Variants in ERICH3 observed in about 807,000 individuals in gnomAD.
ERICH3 encodes the protein glutamate rich 3, also known as glutamate-rich protein 3.
ERICH3 carries 126 observed loss-of-function variants against 131.1 expected under a neutral mutation model. The ratio of observed to expected loss-of-function variants is 0.96; its 90% CI spans 0.83 to 1.11. The LOEUF is 1.11. Among genes scored for constraint, ERICH3 ranks in the 50% most tolerant of loss-of-function variants. The pLI is 0.00. For missense variants in ERICH3, 2,050 were observed against 1,810.7 expected (o/e 1.13, Z -2.40); for synonymous variants, 695 against 644.6 (o/e 1.08, Z -1.18).
intron 12 of ERICH3, among the ~76,000 whole-genome samples, chr1:74,580,597 T>C (rs1647160175): frequency 6.6e-6 from 1 of 152,210 alleles, no homozygotes; most frequent in African/African-American, 2.4e-5. Flanking sequence ...AATTCTTTCT[T>C]TATTTGATAA....
At chr1:74,576,871 A>G (rs199516335) in intron 13 of ERICH3, 24 bp downstream of exon 13, 1 of 1,586,242 alleles carries the variant, frequency 6.3e-7, no homozygotes, top group Admixed American at 1.8e-5. Flanking sequence ...CTCTAATTGG[A>G]CCTCTTGCAG....
chr1:74,628,078 T>C (rs779252783), intron 7 of ERICH3, among the ~76,000 whole-genome samples: 9 of 152,200 alleles, frequency 5.9e-5, no homozygotes, highest in Admixed American at 1.3e-4. Context: ...ATAGCCACCT[T>C]CTGTTGCTAT....
At chr1:74,671,548 C>G (rs111931217) in intron 1 of ERICH3, among the ~76,000 whole-genome samples, 1 of 151,962 alleles carries the variant, frequency 6.6e-6, no homozygotes, top group African/African-American at 2.4e-5. Context: ...CTCAGCTGGC[C>G]GACACTCATG....
chr1:74,663,489 T>A (rs1016812113), intron 1 of ERICH3, among the ~76,000 whole-genome samples: 3 of 151,988 alleles, frequency 2.0e-5, no homozygotes, highest in African/African-American at 7.2e-5. Context: ...ATAGAAGAAG[T>A]TAGAAAGTCA....
intron 11 of ERICH3, among the ~76,000 whole-genome samples, chr1:74,592,839 G>A (rs1197844670): frequency 2.6e-5 from 4 of 151,938 alleles, no homozygotes; most frequent in African/African-American, 7.3e-5. Context: ...ACACAGACAC[G>A]GGGGTAAGAC....
At chr1:74,647,115 C>T (rs1008542199) in intron 2 of ERICH3, among the ~76,000 whole-genome samples, 2 of 152,022 alleles carry the variant, frequency 1.3e-5, no homozygotes, top group South Asian at 4.1e-4. Flanking sequence ...TCTCATATAC[C>T]CTTCATTGTG....
Position 74,625,512 on chromosome 1 carries a change from G to A in ERICH3, c.820-4598C>T, listed in dbSNP as rs796470631. The A allele has an allele frequency of 9.2e-5, 14 of 151,868 alleles. No individual in the cohort carries two copies. In the South Asian group the frequency reaches 1.2e-3, roughly 14 times the overall value. The allele number at this position is 151,868 out of a possible 1,614,324, so 9.4% of individuals were successfully genotyped here. On this transcript the variant is annotated intron_variant, in intron 7 of 14. Coordinates refer to ENST00000326665, the MANE Select transcript of ERICH3 (RefSeq NM_001002912.5). ...CTAGGAGGCATTCTCTAATCTCCTCGGTCAAAACTAATATTTCTTTCCTCT... is the reference window on the plus strand; with the variant it reads ...CTAGGAGGCATTCTCTAATCTCCTCAGTCAAAACTAATATTTCTTTCCTCT...
chr1:74,670,482 G>A (rs1646731205), intron 1 of ERICH3, among the ~76,000 whole-genome samples: 1 of 152,194 alleles, frequency 6.6e-6, no homozygotes, highest in South Asian at 2.1e-4. Context: ...CAGACTAGGT[G>A]GAGCCACAGC....
chr1:74,648,347 G>C (rs1264201522), intron 2 of ERICH3, among the ~76,000 whole-genome samples: 2 of 152,114 alleles, frequency 1.3e-5, no homozygotes, highest in African/African-American at 4.8e-5. Context: ...ATTCTGAGAG[G>C]TGCATGCCAT....
chr1:74,573,199 C>A lies in ERICH3; in HGVS notation c.2511G>T (p.Arg837Ser). Residue 837 changes from arginine to serine, a missense_variant, in exon 14 of 15, where the codon AGG becomes AGT. Physicochemically the swap from Arg to Ser is moderately radical, Grantham distance 110 (BLOSUM62 -1). Coordinates refer to ENST00000326665, the MANE Select transcript of ERICH3 (RefSeq NM_001002912.5). ...CTGCTTCTGCTGCTCCCTCTGCCCC[C>A]CTTTCTATGCCTGGAGGGATCTCCC... ...EKREIPPGIE[R>S]GAEGAAEAEG... is the part of the protein sequence containing the mutation. The A allele has an allele frequency of 3.1e-6, 5 of 1,612,592 alleles. No homozygotes were observed. The highest frequency in any genetic ancestry group is 4.2e-6 in the Non-Finnish European group (5 of 1,179,210).
intron 1 of ERICH3, among the ~76,000 whole-genome samples, chr1:74,670,463 C>A (rs1433064520): frequency 3.3e-5 from 5 of 152,144 alleles, no homozygotes; most frequent in African/African-American, 4.8e-5. Flanking sequence ...GTCAGGGACC[C>A]CGAACAGACA....
chr1:74,581,543 A>G lies in ERICH3; in HGVS notation c.2177-4607T>C, dbSNP rs577578473. Among the ~76,000 whole-genome samples, 6 of 152,140 alleles carry G rather than the reference A, an allele frequency of 3.9e-5. No homozygotes were observed. In the East Asian group the frequency reaches 1.2e-3, roughly 29 times the overall value. ...TTAGAGTACTGCTTTTAAATTTTCA[A>G]TTTTTCTGGTGAGAGTTAATTATAT... On this transcript the variant is annotated intron_variant, in intron 12 of 14. Coordinates refer to ENST00000326665, the MANE Select transcript of ERICH3 (RefSeq NM_001002912.5).
chr1:74,646,652 A>T lies in ERICH3; in HGVS notation c.243+15T>A. ...AAAAAATAAAATAAAATAAAAAATAAGTATATATTTTTACCTCCATATCAA... is the reference window on the plus strand; with the variant it reads ...AAAAAATAAAATAAAATAAAAAATATGTATATATTTTTACCTCCATATCAA... On this transcript the variant is annotated intron_variant, in intron 3 of 14. Coordinates refer to ENST00000326665, the MANE Select transcript of ERICH3 (RefSeq NM_001002912.5). 1.7e-6 allele frequency: 2 copies of T among 1,187,098 alleles called. No individual in the cohort carries two copies. Among genetic ancestry groups the T allele is most frequent in the Non-Finnish European group, 2.3e-6 (2 of 882,064 alleles). The allele number at this position is 1,187,098 out of a possible 1,614,324, so 73.5% of individuals were successfully genotyped here.
chr1:74,599,096 T>C (rs944958083), intron 11 of ERICH3, among the ~76,000 whole-genome samples: 1 of 151,950 alleles, frequency 6.6e-6, no homozygotes, highest in Non-Finnish European at 1.5e-5. Context: ...ACATAAATAT[T>C]TGTATGTAAG....
chr1:74,628,659 C>T (rs1363062846), intron 7 of ERICH3, among the ~76,000 whole-genome samples: 1 of 151,710 alleles, frequency 6.6e-6, no homozygotes, highest in African/African-American at 2.4e-5. Context: ...ACCCCTTCCC[C>T]CCATGTTATT....
At chr1:74,673,117 C>T (rs568139900) in intron 1 of ERICH3, among the ~76,000 whole-genome samples, 13 of 152,308 alleles carry the variant, frequency 8.5e-5, no homozygotes, top group African/African-American at 3.1e-4. Flanking sequence ...ATTCTCAAAT[C>T]TCCAAACGAA....
Position 74,659,935 on chromosome 1 carries a change from C to T in ERICH3, c.24-10620G>A, listed in dbSNP as rs372344648. On this transcript the variant is annotated intron_variant, in intron 1 of 14. Transcript: ENST00000326665. ...AGAGAGAGAGATCACAAGTTTCTGTCACCCAAATAGGAATTTGTTGATTAT... is the reference window on the plus strand; with the variant it reads ...AGAGAGAGAGATCACAAGTTTCTGTTACCCAAATAGGAATTTGTTGATTAT... 4.4e-4 allele frequency among the ~76,000 whole-genome samples: 67 copies of T among 152,278 alleles called. 1 individual carries two copies. In the South Asian group the frequency reaches 0.011, roughly 24 times the overall value.
In ERICH3 at chr1:74,572,068, C is replaced by A; in HGVS notation, c.3642G>T (p.Gly1214=). Residue 1214 remains glycine (G), a synonymous_variant, in exon 14 of 15, where the codon GGG becomes GGT. Transcript: ENST00000326665. The part of the protein sequence containing the change: ...LKEGHRQDGE[G]ALAAPEAEPA... ...GCTCAGCTTCAGGAGCTGCTAAGGC[C>A]CCCTCTCCATCTTGGCGGTGCCCTT... 2 of 1,614,198 alleles carry A rather than the reference C, an allele frequency of 1.2e-6. No individual in the cohort carries two copies. The highest frequency in any genetic ancestry group is 1.7e-6 in the Non-Finnish European group (2 of 1,180,040).
chr1:74,599,403 C>A (rs696697), intron 11 of ERICH3, among the ~76,000 whole-genome samples: 27,953 of 151,636 alleles, frequency 0.18, 2,892 homozygotes, highest in East Asian at 0.27. Flanking sequence ...TAGTGGGGAA[C>A]AACAAACACT....
Sources: allele counts gnomAD v4.1 joint callset (sites outside exome capture counted in the v4.1 genomes callset), GRCh38; gene constraint gnomAD v4.1.1; transcripts MANE v1.5; gene names NCBI Gene and HGNC (gene_info 2026-07-23, HGNC 2026-07-21).